The following ATP10B variants were observed in gnomAD, a reference collection of about 807,000 sequenced individuals.
ATP10B encodes the protein ATPase phospholipid transporting 10B (putative), also known as phospholipid-transporting ATPase VB.
Under a neutral mutation model 141.2 loss-of-function variants are expected in ATP10B, and 122 were observed. That is an observed-to-expected ratio of 0.86 (90% CI 0.75 to 1.00). The LOEUF (loss-of-function observed/expected upper bound fraction) is 1.00, where lower values mean the gene tolerates loss of function less well. Among genes scored for constraint, ATP10B ranks in the 50% least tolerant of loss-of-function variants. ATP10B has a pLI of 0.00. For synonymous variants in ATP10B, 685 were observed against 692.0 expected (o/e 0.99, Z 0.16); for missense variants, 1,876 against 1,825.3 (o/e 1.03, Z -0.51).
chr5:160,897,533 TAA>T, the ATP10B span, among the ~76,000 whole-genome samples: 1 of 151,844 alleles, frequency 6.6e-6, no homozygotes, highest in Non-Finnish European at 1.5e-5. Flanking sequence ...CTCAAGAAAA[TAA>T]GAGAGGACAC....
intron 13 of ATP10B, among the ~76,000 whole-genome samples, chr5:160,631,554 A>C (rs376920903): frequency 3.9e-5 from 6 of 152,396 alleles, no homozygotes; most frequent in East Asian, 3.9e-4. Flanking sequence ...ATAACTATTT[A>C]AAACTTATTT....
intron 22 of ATP10B, among the ~76,000 whole-genome samples, chr5:160,594,457 AG>A (rs1470223050): frequency 2.0e-5 from 3 of 152,182 alleles, no homozygotes; most frequent in African/African-American, 7.2e-5. Flanking sequence ...AAGACCATCG[AG>A]GCTAGGAAGA....
chr5:160,687,292 T>A (rs1284767747), intron 5 of ATP10B, among the ~76,000 whole-genome samples: 1 of 152,218 alleles, frequency 6.6e-6, no homozygotes, highest in Admixed American at 6.5e-5. Flanking sequence ...CCATTTTTTT[T>A]ATGTATCTCT....
intron 3 of ATP10B, among the ~76,000 whole-genome samples, chr5:160,706,362 G>C (rs1168297965): frequency 2.0e-5 from 3 of 152,280 alleles, no homozygotes; most frequent in Non-Finnish European, 2.9e-5. Flanking sequence ...GAAGTGAAGA[G>C]CAATGAAACG....
rs1243726810 is a variant in ATP10B at position 160,589,679 on chromosome 5, A to C, written c.3663T>G (p.Asp1221Glu). The change falls in exon 24 of 26, where the codon GAT becomes GAG. Residue 1221 changes from aspartate (D) to glutamate (E), a missense_variant. Coordinates refer to ENST00000327245, the MANE Select transcript of ATP10B (RefSeq NM_025153.3). Reference protein sequence around the residue: ...FIPYLAYKGSDIDVFTFGTPI... With the variant: ...FIPYLAYKGSEIDVFTFGTPI... Reference sequence around the variant, plus strand: ...GTGTCCCAAAGGTAAAGACATCTATATCAGAGCCCTTATAGGCCTGCAGAG... The same window carrying C: ...GTGTCCCAAAGGTAAAGACATCTATCTCAGAGCCCTTATAGGCCTGCAGAG... 1 of 1,613,804 alleles carries C rather than the reference A, an allele frequency of 6.2e-7. No individual in the cohort carries two copies. The highest frequency in any genetic ancestry group is 8.5e-7 in the Non-Finnish European group (1 of 1,179,714).
chr5:160,565,712 T>C lies in ATP10B; in HGVS notation c.4127A>G (p.Asp1376Gly), dbSNP rs781248713. ...GCTCTTTGGGGTGCTGGCACTGAAGTCCTGTCCTGTGATAGATGACACTGG... is the reference window on the plus strand; with the variant it reads ...GCTCTTTGGGGTGCTGGCACTGAAGCCCTGTCCTGTGATAGATGACACTGG... ...HHPVSSITGQDFSASTPKSSN... is the reference protein window; with the variant it reads ...HHPVSSITGQGFSASTPKSSN... The change falls in exon 26 of 26, where the codon GAC becomes GGC. Residue 1376 changes from aspartate to glycine, a missense_variant. Physicochemically the swap from Asp to Gly is moderately conservative, Grantham distance 94. Transcript: ENST00000327245. 1.9e-6 allele frequency: 3 copies of C among 1,614,042 alleles called. No individual in the cohort carries two copies. Among genetic ancestry groups the C allele is most frequent in the Non-Finnish European group, 1.7e-6 (2 of 1,179,958 alleles).
At chr5:160,686,027 T>G in intron 6 of ATP10B, 52 bp downstream of exon 6, 317 of 1,344,016 alleles carry the variant, frequency 2.4e-4, no homozygotes, top group Non-Finnish European at 2.9e-4. Context: ...GCTATGCTGA[T>G]GAGTTTGCCT....
At chr5:160,918,747 A>G in the ATP10B span, among the ~76,000 whole-genome samples, 1 of 152,194 alleles carries the variant, frequency 6.6e-6, no homozygotes, top group African/African-American at 2.4e-5. Context: ...TCCACCAGCC[A>G]AGGGAAATTT....
chr5:160,610,968 G>A (rs572840078), intron 18 of ATP10B, among the ~76,000 whole-genome samples: 1 of 152,098 alleles, frequency 6.6e-6, no homozygotes, highest in East Asian at 1.9e-4. Context: ...AGTGAATTAG[G>A]CAAATTAAAA....
the ATP10B span, among the ~76,000 whole-genome samples, chr5:160,886,091 G>A: frequency 1.3e-5 from 2 of 152,276 alleles, no homozygotes; most frequent in South Asian, 2.1e-4. Context: ...GGAAACAGAC[G>A]CTACTTTTAG....
At chr5:160,683,064 A>G (rs1264723782) in intron 6 of ATP10B, among the ~76,000 whole-genome samples, 59 of 137,582 alleles carry the variant, frequency 4.3e-4, no homozygotes, top group Non-Finnish European at 7.5e-4. Flanking sequence ...AAAAAAAAAA[A>G]GAAGAAGAAG....
At chr5:160,576,258 G>T (rs574430643) in intron 24 of ATP10B, among the ~76,000 whole-genome samples, 1 of 152,282 alleles carries the variant, frequency 6.6e-6, no homozygotes, top group African/African-American at 2.4e-5. Context: ...TAGGATAAGA[G>T]ATTTACTACA....
chr5:160,674,198 G>A (rs745837329), intron 6 of ATP10B, among the ~76,000 whole-genome samples: 31 of 152,254 alleles, frequency 2.0e-4, no homozygotes, highest in African/African-American at 5.3e-4. Flanking sequence ...ATAAATACTC[G>A]TTGGCCAGTA....
intron 10 of ATP10B, among the ~76,000 whole-genome samples, chr5:160,638,712 G>A (rs1029505291): frequency 3.9e-5 from 6 of 152,192 alleles, no homozygotes; most frequent in Non-Finnish European, 8.8e-5. Context: ...CAATGGCTAC[G>A]ATTTCTGACT....
intron 3 of ATP10B, among the ~76,000 whole-genome samples, chr5:160,704,847 A>G (rs1210920303): frequency 6.9e-6 from 1 of 145,614 alleles, no homozygotes; most frequent in Non-Finnish European, 1.5e-5. Context: ...GTTTTATATT[A>G]TGGAGATGGC....
chr5:160,881,534 C>T, the ATP10B span, among the ~76,000 whole-genome samples: 21,083 of 152,110 alleles, frequency 0.14, 1,577 homozygotes, highest in African/African-American at 0.19. Context: ...AAATTTCGGC[C>T]GGGCGTGGTG....
chr5:160,620,762 A>G lies in ATP10B; in HGVS notation c.2001T>C (p.Ser667=). 6.2e-7 allele frequency: 1 copy of G among 1,614,204 alleles called. No homozygotes were observed. Among genetic ancestry groups the G allele is most frequent in the Non-Finnish European group, 8.5e-7 (1 of 1,180,030 alleles). The change falls in exon 15 of 26, where the codon TCT becomes TCC. Residue 667 remains serine (S), a synonymous_variant. Transcript: ENST00000327245. ...TTDSDERDDA[S]VCSGGDSTDD... is the part of the protein sequence containing the mutation. ...CAGTGGAGTCACCTCCACTGCACAC[A>G]GATGCATCATCTCTCTCATCCGAGT...
chr5:160,699,774 C>T (rs1209203171), intron 3 of ATP10B, among the ~76,000 whole-genome samples: 1 of 151,780 alleles, frequency 6.6e-6, no homozygotes, highest in Non-Finnish European at 1.5e-5. Context: ...AAAGGGAGGG[C>T]AAATTAGCTG....
intron 23 of ATP10B, among the ~76,000 whole-genome samples, chr5:160,590,639 C>T (rs1466427561): frequency 6.6e-6 from 1 of 152,140 alleles, no homozygotes; most frequent in Non-Finnish European, 1.5e-5. Context: ...CTTCAAAGCA[C>T]AAGTGTATAT....
Sources: gnomAD v4.1 joint callset for allele counts (sites outside exome capture counted in the v4.1 genomes callset) on GRCh38, gnomAD v4.1.1 for gene constraint, MANE v1.5 for transcripts, NCBI Gene and HGNC (gene_info 2026-07-23, HGNC 2026-07-21) for gene names.